PTPRZ1: variants seen among roughly 807,000 people sequenced by gnomAD.
PTPRZ1 encodes the protein receptor-type tyrosine-protein phosphatase zeta.
Under a neutral mutation model 214.1 loss-of-function variants are expected in PTPRZ1, and 82 were observed. The observed-to-expected ratio is 0.38, with a 90% CI of 0.32 to 0.46. PTPRZ1 has a LOEUF of 0.46. PTPRZ1 is among the 20% of genes least tolerant of loss of function. The pLI, the probability that PTPRZ1 is intolerant of heterozygous loss-of-function variation, is 1.00. For missense variants in PTPRZ1, 2,603 were observed against 2,748.7 expected, an observed-to-expected ratio of 0.95 and a Z score of 1.19; for synonymous variants, 945 against 987.9, an observed-to-expected ratio of 0.96 and a Z score of 0.81.
chr7:121,897,321 A>G (rs1398494782), intron 1 of PTPRZ1, among the ~76,000 whole-genome samples: 1 of 152,162 alleles, frequency 6.6e-6, no homozygotes, highest in Non-Finnish European at 1.5e-5. Context: ...ACAGTTTGAA[A>G]TAGGTTTGAC....
intron 2 of PTPRZ1, among the ~76,000 whole-genome samples, chr7:121,932,646 C>T (rs1584653499): frequency 6.6e-6 from 1 of 152,020 alleles, no homozygotes; most frequent in East Asian, 1.9e-4. Flanking sequence ...TTACTAAGTA[C>T]ATTATAAGGC....
chr7:121,937,258 C>T (rs1413742241), intron 2 of PTPRZ1, among the ~76,000 whole-genome samples: 1 of 152,108 alleles, frequency 6.6e-6, no homozygotes, highest in Non-Finnish European at 1.5e-5. Context: ...TGTTTGATAA[C>T]CTCAGGACAG....
intron 2 of PTPRZ1, 114 bp from the exon 3 acceptor site, chr7:121,967,837 A>G (rs1330080050): frequency 1.4e-6 from 1 of 737,182 alleles, no homozygotes; most frequent in African/African-American, 1.8e-5. Context: ...CAAAGATGTC[A>G]AACATTTTTC....
At chr7:121,916,548 AT>A (rs1171289380) in intron 1 of PTPRZ1, among the ~76,000 whole-genome samples, 3 of 152,204 alleles carry the variant, frequency 2.0e-5, no homozygotes, top group Non-Finnish European at 2.9e-5. Context: ...AGAATTTGTA[AT>A]TGTGTATAAA....
At chr7:121,927,258 G>A (rs1225542288) in intron 1 of PTPRZ1, among the ~76,000 whole-genome samples, 1 of 152,170 alleles carries the variant, frequency 6.6e-6, no homozygotes, top group Non-Finnish European at 1.5e-5. Context: ...CCGCAATCAG[G>A]TTCCAAACCT....
chr7:121,981,554 T>G (rs1797612977), intron 6 of PTPRZ1, among the ~76,000 whole-genome samples: 1 of 151,962 alleles, frequency 6.6e-6, no homozygotes, highest in Non-Finnish European at 1.5e-5. Flanking sequence ...CCTACATGAG[T>G]GAGGGCTGGT....
At chr7:122,001,774 A>C (rs148106350) in intron 10 of PTPRZ1, among the ~76,000 whole-genome samples, 195 of 152,278 alleles carry the variant, frequency 1.3e-3, no homozygotes, top group African/African-American at 3.9e-3. Context: ...TCCCAAAACA[A>C]AACCAGAATG....
chr7:121,971,579 C>T (rs6958187), intron 3 of PTPRZ1, among the ~76,000 whole-genome samples: 15 of 152,146 alleles, frequency 9.9e-5, no homozygotes, highest in Admixed American at 1.3e-4. Context: ...CTTTCTGTGA[C>T]TCAATTTCCT....
chr7:121,938,426 G>A (rs193187381), intron 2 of PTPRZ1, among the ~76,000 whole-genome samples: 1 of 152,314 alleles, frequency 6.6e-6, no homozygotes, highest in East Asian at 1.9e-4. Flanking sequence ...GTGACTATTT[G>A]TGTTACCCTA....
At chr7:121,936,219 A>G (rs1252383685) in intron 2 of PTPRZ1, among the ~76,000 whole-genome samples, 1 of 152,226 alleles carries the variant, frequency 6.6e-6, no homozygotes, top group Admixed American at 6.5e-5. Flanking sequence ...GAGCAAAAAG[A>G]TAGAAAAATC....
At chr7:121,969,379 T>C (rs1244916932) in intron 3 of PTPRZ1, among the ~76,000 whole-genome samples, 1 of 152,080 alleles carries the variant, frequency 6.6e-6, no homozygotes, top group Admixed American at 6.6e-5. Context: ...TTGGTCAACA[T>C]GGCAAAACCC....
chr7:122,053,567 A>C (rs1413849768), intron 25 of PTPRZ1, among the ~76,000 whole-genome samples: 2 of 152,200 alleles, frequency 1.3e-5, no homozygotes, highest in African/African-American at 4.8e-5. Flanking sequence ...ACAAGATGAT[A>C]GGTAACCTTG....
chr7:121,971,344 G>GT lies in PTPRZ1; in HGVS notation c.305-1192dup, dbSNP rs1797241998. 3.3e-5 allele frequency among the ~76,000 whole-genome samples: 5 copies of GT among 152,306 alleles called. 1 individual carries two copies. In the South Asian group the frequency reaches 1.0e-3, roughly 32 times the overall value. On this transcript the variant is annotated intron_variant, in intron 3 of 29. Coordinates refer to ENST00000393386, the MANE Select transcript of PTPRZ1 (RefSeq NM_002851.3). The stretch of plus-strand genomic sequence containing the variant: ...ATTTCAAGGATAGCCTGATGATTAT[G>GT]TTTTTATAAATAAGATCCCAAACAG...
At chr7:122,036,999 G>A (rs548875936) in intron 18 of PTPRZ1, among the ~76,000 whole-genome samples, 60 of 150,052 alleles carry the variant, frequency 4.0e-4, no homozygotes, top group East Asian at 2.0e-3. Flanking sequence ...AGGGCTGGGC[G>A]CGGTGGCTCA....
intron 27 of PTPRZ1, among the ~76,000 whole-genome samples, chr7:122,057,770 C>T (rs954960337): frequency 6.6e-6 from 1 of 150,378 alleles, no homozygotes; most frequent in Non-Finnish European, 1.5e-5. Flanking sequence ...TAAAAAAATA[C>T]CTTTTACCCT....
chr7:121,971,690 G>A (rs573450373), intron 3 of PTPRZ1, among the ~76,000 whole-genome samples: 4 of 152,282 alleles, frequency 2.6e-5, no homozygotes, highest in South Asian at 4.1e-4. Flanking sequence ...ATGGTACATC[G>A]TAAGTGATAT....
intron 6 of PTPRZ1, among the ~76,000 whole-genome samples, chr7:121,979,672 T>C (rs559298438): frequency 6.6e-6 from 1 of 152,294 alleles, no homozygotes; most frequent in East Asian, 1.9e-4. Flanking sequence ...AGTTGGTTGG[T>C]TGATCATCAT....
chr7:121,990,047 A>T (rs552165129), intron 8 of PTPRZ1, among the ~76,000 whole-genome samples: 1 of 152,146 alleles, frequency 6.6e-6, no homozygotes, highest in Non-Finnish European at 1.5e-5. Flanking sequence ...GTATTCCATC[A>T]TATAGTTATA....
rs1427600996 is a variant in PTPRZ1, at chr7:121,962,369, A to G, written c.125-5582A>G. Reference sequence around the variant, plus strand: ...AGGCTGAGACAGGAGAATCACTTGAACCCAGGAGGCAGAGGTTAGAGTGAG... The same window carrying G: ...AGGCTGAGACAGGAGAATCACTTGAGCCCAGGAGGCAGAGGTTAGAGTGAG... On this transcript the variant is annotated intron_variant, in intron 2 of 29. Transcript: ENST00000393386. Among the ~76,000 whole-genome samples, 3 of 151,652 alleles carry G rather than the reference A, an allele frequency of 2.0e-5. No homozygotes were observed. In the East Asian group the frequency reaches 5.9e-4, roughly 30 times the overall value.
Sources: gnomAD v4.1 joint callset for allele counts (sites outside exome capture counted in the v4.1 genomes callset) on GRCh38, gnomAD v4.1.1 for gene constraint, MANE v1.5 for transcripts, NCBI Gene and HGNC (gene_info 2026-07-23, HGNC 2026-07-21) for gene names.